The following AGBL1 variants were observed in gnomAD, a reference collection of about 807,000 sequenced individuals.
AGBL1 encodes the protein cytosolic carboxypeptidase 4.
A neutral mutation model predicts 118.9 loss-of-function variants in AGBL1; 130 were observed. That is an observed-to-expected ratio of 1.09 (90% confidence interval 0.95 to 1.26). The LOEUF (loss-of-function observed/expected upper bound fraction) is 1.26, where lower values mean the gene tolerates loss of function less well. AGBL1 is among the 50% of genes most tolerant of loss of function. The pLI, the probability that AGBL1 is intolerant of heterozygous loss-of-function variation, is 0.00. For synonymous variants in AGBL1, 555 were observed against 478.9 expected, an observed-to-expected ratio of 1.16 and a Z score of -2.08; for missense variants, 1,584 against 1,298.1, an observed-to-expected ratio of 1.22 and a Z score of -3.38.
At chr15:86,117,809 C>T (rs1053484308) in intron 1 of AGBL1, among the ~76,000 whole-genome samples, 5 of 152,110 alleles carry the variant, frequency 3.3e-5, no homozygotes, top group Admixed American at 6.6e-5. Flanking sequence ...AGAAGAACAT[C>T]ATGGTTTTAA....
At position 86,907,745 on chromosome 15, in the gene AGBL1, G is replaced by A. The variant is rs1410682363; in HGVS notation, c.*451G>A. 6.6e-6 allele frequency: 1 copy of A among 152,170 alleles called. No homozygotes were observed. The highest frequency in any genetic ancestry group is 1.5e-5 in the Non-Finnish European group (1 of 68,044). 9.4% of individuals were successfully genotyped at this position (152,170 alleles called of 1,614,324 possible). On this transcript the variant is annotated 3_prime_UTR_variant, in exon 23 of 23. Transcript: ENST00000614907. ...CTTCCAATGTTATCTCCCCACCATA[G>A]CATTTGAGCACCCCAGAACAAACCA... is the stretch of plus-strand genomic sequence containing the variant.
chr15:87,016,905 T>A (rs1019907043), intron 24 of AGBL1, among the ~76,000 whole-genome samples: 1 of 152,140 alleles, frequency 6.6e-6, no homozygotes, highest in African/African-American at 2.4e-5. Context: ...GTGAAGTCCC[T>A]GCAGAGCAGC....
intron 17 of AGBL1, among the ~76,000 whole-genome samples, chr15:86,299,003 G>A (rs1409598572): frequency 1.3e-5 from 2 of 152,162 alleles, no homozygotes; most frequent in Non-Finnish European, 2.9e-5. Context: ...TTTTTCAAAA[G>A]CATTTTCTTT....
At chr15:86,296,712 C>G (rs1215369627) in intron 17 of AGBL1, 1 of 152,202 alleles carries the variant, frequency 6.6e-6, no homozygotes, top group Non-Finnish European at 1.5e-5. Flanking sequence ...AAGGGATTTT[C>G]CAAAAATTCT....
rs556606315 is a variant in AGBL1 at position 86,475,097 on chromosome 15, AG to A, written c.2556-47711del. Reference sequence around the variant, plus strand: ...GTACGTCACCATCTTCAAAGACCAAAGGCAGATAAAACCACAAAAGTGGGGA... The same window carrying A: ...GTACGTCACCATCTTCAAAGACCAAAGCAGATAAAACCACAAAAGTGGGGA... On this transcript the variant is annotated intron_variant, in intron 18 of 22. Coordinates refer to ENST00000614907, the MANE Select transcript of AGBL1 (RefSeq NM_001386094.1). Among the ~76,000 whole-genome samples, 587 of 152,330 alleles carry A rather than the reference AG, an allele frequency of 3.9e-3. 3 individuals are homozygous for A. Among genetic ancestry groups the A allele is most frequent in the Middle Eastern group, 0.017 (5 of 294 alleles).
rs112310048 is a variant in AGBL1 at position 86,520,699 on chromosome 15, C to T, written c.2556-2111C>T. Among the ~76,000 whole-genome samples the T allele has an allele frequency of 7.3e-3, 1,115 of 152,212 alleles. 10 individuals carry two copies. The highest frequency in any genetic ancestry group is 0.024 in the African/African-American group (1,013 of 41,508). ...GCTTTTAAAGGGCCTCAACTAATTTCGTCACAGTCAGTGTTACAAAGGAAA... is the reference window on the plus strand; with the variant it reads ...GCTTTTAAAGGGCCTCAACTAATTTTGTCACAGTCAGTGTTACAAAGGAAA... On this transcript the variant is annotated intron_variant, in intron 18 of 22. Transcript: ENST00000614907.
At chr15:86,620,975 C>T (rs951891869) in intron 21 of AGBL1, among the ~76,000 whole-genome samples, 11 of 150,330 alleles carry the variant, frequency 7.3e-5, no homozygotes, top group African/African-American at 2.2e-4. Context: ...ATTTTCTACT[C>T]TCATAGCTAT....
chr15:86,579,048 G>T (rs1170750913), intron 21 of AGBL1, among the ~76,000 whole-genome samples: 1 of 152,120 alleles, frequency 6.6e-6, no homozygotes, highest in East Asian at 1.9e-4. Flanking sequence ...TATAACAAAA[G>T]ACTTTTGTAA....
At chr15:86,983,551 A>C (rs1349818663) in intron 23 of AGBL1, among the ~76,000 whole-genome samples, 1 of 152,158 alleles carries the variant, frequency 6.6e-6, no homozygotes, top group Non-Finnish European at 1.5e-5. Context: ...ACTCAGCTTT[A>C]TTCAGATGTA....
At chr15:86,663,977 G>A (rs1207518874) in intron 21 of AGBL1, among the ~76,000 whole-genome samples, 3 of 152,114 alleles carry the variant, frequency 2.0e-5, no homozygotes, top group African/African-American at 7.2e-5. Context: ...GGGTTTTGCT[G>A]TCTGCTGTGG....
chr15:86,091,772 A>C (rs12903830), intron 1 of AGBL1, among the ~76,000 whole-genome samples: 76,847 of 152,006 alleles, frequency 0.51, 22,161 homozygotes, highest in Non-Finnish European at 0.66. Flanking sequence ...CAGTAAAATA[A>C]ATCTCACAAT....
Position 86,270,047 on chromosome 15 carries a change from C to A in AGBL1, c.1967C>A (p.Pro656His), listed in dbSNP as rs1277061532. The change falls in exon 14 of 23, where the codon CCC becomes CAC. Residue 656 changes from proline to histidine, a missense_variant. Physicochemically the swap from Pro to His is moderately conservative, Grantham distance 77 (BLOSUM62 -2). Transcript: ENST00000614907. ...YHFNIINCEK[P>H]NSQFNYGMQP... ...TTCAACATCATCAACTGTGAGAAGCCCAACAGCCAGTTTAATTATGGTATG... is the reference window on the plus strand; with the variant it reads ...TTCAACATCATCAACTGTGAGAAGCACAACAGCCAGTTTAATTATGGTATG... 1 of 1,612,312 alleles carries A rather than the reference C, an allele frequency of 6.2e-7. No homozygotes were observed. Among genetic ancestry groups the A allele is most frequent in the Non-Finnish European group, 8.5e-7 (1 of 1,179,348 alleles).
intron 21 of AGBL1, among the ~76,000 whole-genome samples, chr15:86,635,827 T>C (rs1184096995): frequency 6.6e-6 from 1 of 152,206 alleles, no homozygotes; most frequent in East Asian, 1.9e-4. Flanking sequence ...ATTTCAAGCA[T>C]TGTGTCTCAT....
chr15:86,846,474 T>C lies in AGBL1; in HGVS notation c.3159-60613T>C, dbSNP rs562206598. 6.1e-4 allele frequency among the ~76,000 whole-genome samples: 93 copies of C among 152,328 alleles called. 1 individual carries two copies. The highest frequency in any genetic ancestry group is 2.1e-3 in the African/African-American group (89 of 41,580). ...GTGTCTATCTTACTTAGAATTTGAGTTCCATTGTCTTACAGATTACTACTT... is the reference window on the plus strand; with the variant it reads ...GTGTCTATCTTACTTAGAATTTGAGCTCCATTGTCTTACAGATTACTACTT... On this transcript the variant is annotated intron_variant, in intron 22 of 22. Coordinates refer to ENST00000614907, the MANE Select transcript of AGBL1 (RefSeq NM_001386094.1).
At chr15:86,954,521 C>T (rs2080910868) in intron 23 of AGBL1, among the ~76,000 whole-genome samples, 1 of 152,110 alleles carries the variant, frequency 6.6e-6, no homozygotes. Context: ...CAACTGGATG[C>T]CATAATCCTA....
intron 22 of AGBL1, among the ~76,000 whole-genome samples, chr15:86,674,863 A>G (rs1312578123): frequency 6.6e-6 from 1 of 152,196 alleles, no homozygotes; most frequent in African/African-American, 2.4e-5. Context: ...CCCATTCTCA[A>G]ACATCATTGT....
rs560598510 is a variant in AGBL1 at position 86,745,289 on chromosome 15, T to A, written c.3158+70853T>A. Among the ~76,000 whole-genome samples the A allele has an allele frequency of 2.7e-3, 411 of 152,210 alleles. 3 individuals are homozygous for A. Among genetic ancestry groups the A allele is most frequent in the Middle Eastern group, 0.01 (3 of 294 alleles). ...TATTAACCTTGAAGAAGGGGTATTATTATCCCCATTTAAAAAATGGGAATA... is the reference window on the plus strand; with the variant it reads ...TATTAACCTTGAAGAAGGGGTATTAATATCCCCATTTAAAAAATGGGAATA... On this transcript the variant is annotated intron_variant, in intron 22 of 22. Coordinates refer to ENST00000614907, the MANE Select transcript of AGBL1 (RefSeq NM_001386094.1).
intron 17 of AGBL1, among the ~76,000 whole-genome samples, chr15:86,356,335 C>CGTGTGTGTGTGTGTGTGT (rs55955604): frequency 6.7e-6 from 1 of 150,042 alleles, no homozygotes; most frequent in African/African-American, 2.4e-5. Context: ...CGAAGATAGA[C>CGTGTGTGTGTGTGTGTGT]GTGTGTGTGT....
intron 22 of AGBL1, among the ~76,000 whole-genome samples, chr15:86,777,879 C>T (rs1011616021): frequency 1.3e-5 from 2 of 152,030 alleles, no homozygotes; most frequent in African/African-American, 2.4e-5. Context: ...AAACTGTCAC[C>T]TAGACAAAGA....
Sources: allele counts gnomAD v4.1 joint callset (sites outside exome capture counted in the v4.1 genomes callset), GRCh38; gene constraint gnomAD v4.1.1; transcripts MANE v1.5; gene names NCBI Gene and HGNC (gene_info 2026-07-23, HGNC 2026-07-21).